The following SV2C variants were observed in gnomAD, a reference collection of about 807,000 sequenced individuals.
SV2C encodes synaptic vesicle glycoprotein 2C, also known as solute carrier family 22 member B3.
SV2C carries 49 observed loss-of-function variants against 79.7 expected under a neutral mutation model. The observed-to-expected ratio is 0.61, with a 90% CI of 0.49 to 0.78. The LOEUF is 0.78. Ranked by LOEUF, SV2C falls within the 30% of genes least tolerant of loss-of-function variation. The pLI, the probability that SV2C is intolerant of heterozygous loss-of-function variation, is 0.00. For synonymous variants in SV2C, 334 were observed against 333.2 expected (o/e 1.00, Z -0.03); for missense variants, 833 against 912.9 (o/e 0.91, Z 1.13).
At chr5:76,349,126 T>TA (rs148260733) in intron 12 of SV2C, among the ~76,000 whole-genome samples, 1 of 152,310 alleles carries the variant, frequency 6.6e-6, no homozygotes, top group Non-Finnish European at 1.5e-5. Flanking sequence ...GTTTCATCAA[T>TA]AAAAAAGAAG....
At chr5:76,083,177 G>C (rs932494834), upstream of SV2C, 13 of 152,506 alleles carry the variant, frequency 8.5e-5, no homozygotes, top group African/African-American at 3.1e-4. Flanking sequence ...ACCGCGACTT[G>C]CCGGAGCACC....
chr5:76,274,011 A>G (rs1170652820), intron 4 of SV2C, among the ~76,000 whole-genome samples: 1 of 152,256 alleles, frequency 6.6e-6, no homozygotes, highest in African/African-American at 2.4e-5. Flanking sequence ...CAGAGATACC[A>G]GGATAGAATC....
the SV2C span, among the ~76,000 whole-genome samples, chr5:76,021,366 A>T: frequency 6.6e-6 from 1 of 152,220 alleles, no homozygotes; most frequent in African/African-American, 2.4e-5. Flanking sequence ...GCACTGAAAG[A>T]AAAACTATTT....
At chr5:75,946,109 C>A in the SV2C span, among the ~76,000 whole-genome samples, 1 of 151,886 alleles carries the variant, frequency 6.6e-6, no homozygotes. Context: ...GAAACTAAAA[C>A]CTGGTTCTGT....
the SV2C span, chr5:75,911,819 C>G: frequency 1.8e-6 from 1 of 570,474 alleles, no homozygotes; most frequent in South Asian, 1.4e-5. Context: ...AGCAACCTCA[C>G]AGCACCTGAA....
intron 1 of SV2C, among the ~76,000 whole-genome samples, chr5:76,113,971 G>A (rs1748176606): frequency 6.6e-6 from 1 of 152,032 alleles, no homozygotes; most frequent in Non-Finnish European, 1.5e-5. Context: ...GCTTGTGGCA[G>A]CAGAGACCTG....
rs952696099 is a variant in SV2C at position 76,326,284 on chromosome 5, A to ATGTT, written c.*740_*743dup. 1 of 152,248 alleles carries ATGTT rather than the reference A, an allele frequency of 6.6e-6. No homozygotes were observed. Among genetic ancestry groups the ATGTT allele is most frequent in the African/African-American group, 2.4e-5 (1 of 41,460 alleles). The allele number at this position is 152,248 out of a possible 1,614,324, so 9.4% of individuals were successfully genotyped here. ...CTGTGACTGTGGCATGTGGTTCAGA[A>ATGTT]TGTTTGAAAATCAGAGATCCGAGAG... On this transcript the variant is annotated 3_prime_UTR_variant, in exon 13 of 13. Transcript: ENST00000502798.
In SV2C at chr5:76,298,943, A is replaced by G. The variant is rs375999557; in HGVS notation, c.1636+16A>G. 1 of 1,612,412 alleles carries G rather than the reference A, an allele frequency of 6.2e-7. No homozygotes were observed. The highest frequency in any genetic ancestry group is 1.7e-5 in the Admixed American group (1 of 59,986). ...GACAACACAGGTAGGTGTGCTACTT[A>G]GTACTGCCTCTACCTGAGGCCTCTC... is the stretch of plus-strand genomic sequence containing the variant. On this transcript the variant is annotated intron_variant, in intron 10 of 12. Coordinates refer to ENST00000502798, the MANE Select transcript of SV2C (RefSeq NM_014979.4).
At chr5:75,912,494 G>T in the SV2C span, among the ~76,000 whole-genome samples, 1 of 151,926 alleles carries the variant, frequency 6.6e-6, no homozygotes, top group Admixed American at 6.6e-5. Context: ...CTCAAAAAAC[G>T]AAAATAAAAT....
intron 4 of SV2C, among the ~76,000 whole-genome samples, chr5:76,245,124 G>C (rs1435406367): frequency 6.6e-6 from 1 of 152,114 alleles, no homozygotes; most frequent in African/African-American, 2.4e-5. Flanking sequence ...TCTTCAGTTT[G>C]CCCTTCTATG....
the SV2C span, among the ~76,000 whole-genome samples, chr5:75,880,188 C>T: frequency 6.8e-6 from 1 of 146,758 alleles, no homozygotes; most frequent in Non-Finnish European, 1.5e-5. Context: ...CCTTCAATGC[C>T]TTTTTTTTTT....
At chr5:75,980,831 C>T in the SV2C span, among the ~76,000 whole-genome samples, 1 of 152,140 alleles carries the variant, frequency 6.6e-6, no homozygotes, top group Admixed American at 6.5e-5. Context: ...CTTACCACTC[C>T]TATTCAACAC....
At chr5:76,107,721 G>T (rs778397613) in intron 1 of SV2C, among the ~76,000 whole-genome samples, 23 of 152,130 alleles carry the variant, frequency 1.5e-4, no homozygotes, top group Non-Finnish European at 2.8e-4. Context: ...AGACATGGTG[G>T]TGTGTGCCTC....
chr5:76,301,908 CAAAA>C (rs11436839), intron 12 of SV2C, among the ~76,000 whole-genome samples: 4 of 41,410 alleles, frequency 9.7e-5, no homozygotes, highest in Non-Finnish European at 1.8e-4. Context: ...GACACCATCT[CAAAA>C]AAAAAAAAAA....
chr5:75,867,608 GT>G, the SV2C span, among the ~76,000 whole-genome samples: 1 of 152,182 alleles, frequency 6.6e-6, no homozygotes, highest in African/African-American at 2.4e-5. Flanking sequence ...TTTATATGGA[GT>G]TTTGTGATTG....
At chr5:75,946,508 T>C in the SV2C span, among the ~76,000 whole-genome samples, 64 of 152,136 alleles carry the variant, frequency 4.2e-4, no homozygotes, top group African/African-American at 1.5e-3. Flanking sequence ...ATCATGCAAG[T>C]CTTCCAATTT....
chr5:76,029,379 CT>C, the SV2C span, among the ~76,000 whole-genome samples: 1 of 152,352 alleles, frequency 6.6e-6, no homozygotes, highest in Middle Eastern at 3.4e-3. Context: ...CCCCAACCCC[CT>C]AACCTCTCTG....
intron 4 of SV2C, among the ~76,000 whole-genome samples, chr5:76,269,563 A>T (rs1473514964): frequency 6.6e-6 from 1 of 152,044 alleles, no homozygotes; most frequent in East Asian, 1.9e-4. Flanking sequence ...AATCCACTTT[A>T]CCCGTGTCCC....
At chr5:75,906,030 T>A in the SV2C span, among the ~76,000 whole-genome samples, 2 of 150,836 alleles carry the variant, frequency 1.3e-5, no homozygotes, top group Non-Finnish European at 3.0e-5. Flanking sequence ...CGTGTGATGA[T>A]GAGAGTGGAG....
Sources: gnomAD v4.1 joint callset for allele counts (sites outside exome capture counted in the v4.1 genomes callset) on GRCh38, gnomAD v4.1.1 for gene constraint, MANE v1.5 for transcripts, NCBI Gene and HGNC (gene_info 2026-07-23, HGNC 2026-07-21) for gene names.